Variants in PCDHA1 observed in about 807,000 individuals in gnomAD.
PCDHA1 encodes protocadherin alpha-1.
PCDHA1 carries 42 observed loss-of-function variants against 61.3 expected under a neutral mutation model. That is an observed-to-expected ratio of 0.69 (90% CI 0.54 to 0.89). The LOEUF (loss-of-function observed/expected upper bound fraction) is 0.89. PCDHA1 is among the 40% of genes least tolerant of loss of function. PCDHA1 has a pLI of 0.00. For synonymous variants in PCDHA1, 610 were observed against 553.8 expected (o/e 1.10, Z -1.43); for missense variants, 1,256 against 1,235.3 (o/e 1.02, Z -0.25).
intron 1 of PCDHA1, among the ~76,000 whole-genome samples, chr5:140,791,351 C>T (rs1241867399): frequency 6.6e-6 from 1 of 152,162 alleles, no homozygotes; most frequent in Non-Finnish European, 1.5e-5. Context: ...ATTACATAAG[C>T]ACTGGTTGAT....
intron 1 of PCDHA1, among the ~76,000 whole-genome samples, chr5:140,940,131 G>A (rs1443086111): frequency 7.2e-5 from 11 of 152,092 alleles, no homozygotes; most frequent in African/African-American, 2.4e-4. Context: ...ATTTCTGCTA[G>A]TGATAAACTA....
chr5:140,843,636 TC>T, intron 1 of PCDHA1: 2 of 1,595,920 alleles, frequency 1.3e-6, no homozygotes, highest in Non-Finnish European at 1.7e-6. Context: ...CTCATGGCCT[TC>T]AGCCCCTGCC....
chr5:140,822,343 T>G lies in PCDHA1; in HGVS notation c.2394+33659T>G, dbSNP rs2150115683. 5 of 1,614,104 alleles carry G rather than the reference T, an allele frequency of 3.1e-6. No individual in the cohort carries two copies. The Admixed American group carries it at 8.3e-5, about 27-fold the overall frequency. ...TAAAACAAATGAAGAAGAAACGAACTTTTTAGAGCTGGTTTTGAGGAAATC... is the reference window on the plus strand; with the variant it reads ...TAAAACAAATGAAGAAGAAACGAACGTTTTAGAGCTGGTTTTGAGGAAATC... On this transcript the variant is annotated intron_variant, in intron 1 of 3. Transcript: ENST00000504120.
intron 1 of PCDHA1, chr5:140,823,314 C>A: frequency 6.2e-7 from 1 of 1,612,202 alleles, no homozygotes; most frequent in Non-Finnish European, 8.5e-7. Context: ...ACGCGGAGAG[C>A]GGCAAGGTGT....
At chr5:140,881,330 G>A (rs2153378633) in intron 1 of PCDHA1, 1 of 984,626 alleles carries the variant, frequency 1.0e-6, no homozygotes, top group Non-Finnish European at 1.2e-6. Context: ...ATTTAACCAG[G>A]ACGCCGATTC....
intron 3 of PCDHA1, among the ~76,000 whole-genome samples, chr5:141,009,291 T>G (rs115348370): frequency 2.9e-3 from 436 of 152,228 alleles, no homozygotes; most frequent in African/African-American, 9.9e-3. Flanking sequence ...CCCATTTCTA[T>G]AAAATTTTTT....
At chr5:140,943,332 A>G (rs2093478817) in intron 1 of PCDHA1, among the ~76,000 whole-genome samples, 1 of 151,830 alleles carries the variant, frequency 6.6e-6, no homozygotes, top group Non-Finnish European at 1.5e-5. Flanking sequence ...TGTAGTATCC[A>G]TTGGACAGGA....
chr5:140,947,100 T>C (rs782585215), intron 1 of PCDHA1, among the ~76,000 whole-genome samples: 16 of 151,438 alleles, frequency 1.1e-4, no homozygotes, highest in Non-Finnish European at 2.1e-4. Context: ...AGCCCATAAA[T>C]AGGTACGTGT....
chr5:140,822,162 G>A, intron 1 of PCDHA1: 1 of 1,614,230 alleles, frequency 6.2e-7, no homozygotes, highest in Non-Finnish European at 8.5e-7. Flanking sequence ...ATGACAATCC[G>A]CCCAGGTTCT....
intron 1 of PCDHA1, chr5:140,851,319 T>C (rs1340345627): frequency 7.1e-6 from 7 of 992,898 alleles, no homozygotes; most frequent in Non-Finnish European, 8.6e-6. Flanking sequence ...GTTACCTTGT[T>C]AAGTTTGTAG....
At chr5:140,842,429 G>A (rs2150335893) in intron 1 of PCDHA1, 3 of 1,613,436 alleles carry the variant, frequency 1.9e-6, no homozygotes, top group Non-Finnish European at 1.7e-6. Flanking sequence ...TACTGTCATC[G>A]CCCTAATTAG....
intron 1 of PCDHA1, chr5:140,823,011 G>T: frequency 6.2e-7 from 1 of 1,614,246 alleles, no homozygotes; most frequent in Non-Finnish European, 8.5e-7. Flanking sequence ...ACAGCGCCCT[G>T]GACCGCGAGA....
intron 3 of PCDHA1, among the ~76,000 whole-genome samples, chr5:140,992,085 TAGAGAA>T (rs1253503619): frequency 1.4e-5 from 2 of 146,836 alleles, no homozygotes; most frequent in Non-Finnish European, 3.0e-5. Flanking sequence ...TGAGCTAGAG[TAGAGAA>T]AGAGAATTAA....
At chr5:140,946,857 G>T (rs2094041766) in intron 1 of PCDHA1, among the ~76,000 whole-genome samples, 1 of 151,296 alleles carries the variant, frequency 6.6e-6, no homozygotes, top group Non-Finnish European at 1.5e-5. Flanking sequence ...GAGAGATTGA[G>T]GAGAGGTTGG....
intron 1 of PCDHA1, chr5:140,796,158 G>C: frequency 6.2e-7 from 1 of 1,614,208 alleles, no homozygotes; most frequent in Non-Finnish European, 8.5e-7. Flanking sequence ...TCAAGCTGGT[G>C]TCCACCTTCA....
At chr5:140,875,264 C>T (rs1017689371) in intron 1 of PCDHA1, 10 of 1,189,206 alleles carry the variant, frequency 8.4e-6, no homozygotes, top group Non-Finnish European at 1.0e-5. Flanking sequence ...TGATGTCGCT[C>T]TACACTCAGA....
At chr5:140,906,502 C>G (rs182726471) in intron 1 of PCDHA1, among the ~76,000 whole-genome samples, 2 of 152,298 alleles carry the variant, frequency 1.3e-5, no homozygotes, top group African/African-American at 4.8e-5. Context: ...ATGTTTTTAA[C>G]AAAGAAGGAG....
chr5:140,795,894 T>C, intron 1 of PCDHA1: 1 of 1,613,984 alleles, frequency 6.2e-7, no homozygotes, highest in South Asian at 1.1e-5. Context: ...AATTAGATTA[T>C]GAAGAAGCAA....
At chr5:140,822,936 C>T (rs1554128957) in intron 1 of PCDHA1, 1 of 1,614,248 alleles carries the variant, frequency 6.2e-7, no homozygotes, top group Admixed American at 1.7e-5. Flanking sequence ...TGACCTGCTC[C>T]CTAATGCCCC....
Sources: allele counts gnomAD v4.1 joint callset (sites outside exome capture counted in the v4.1 genomes callset), GRCh38; gene constraint gnomAD v4.1.1; transcripts MANE v1.5; gene names NCBI Gene and HGNC (gene_info 2026-07-23, HGNC 2026-07-21).